The following MAGI3 variants were observed in gnomAD, a reference collection of about 807,000 sequenced individuals.
MAGI3 encodes the protein membrane-associated guanylate kinase, WW and PDZ domain-containing protein 3.
MAGI3 carries 43 observed loss-of-function variants against 121.8 expected under a neutral mutation model. The observed-to-expected ratio is 0.35, with a 90% CI of 0.28 to 0.46. The LOEUF is 0.46. Among genes scored for constraint, MAGI3 ranks in the 20% least tolerant of loss-of-function variants. The pLI, the probability that MAGI3 is intolerant of heterozygous loss-of-function variation, is 1.00. For missense variants in MAGI3, 1,547 were observed against 1,797.3 expected (o/e 0.86, Z 2.52); for synonymous variants, 553 against 639.3 (o/e 0.86, Z 2.04).
At chr1:113,604,101 C>A (rs1438900470) in intron 6 of MAGI3, among the ~76,000 whole-genome samples, 1 of 152,138 alleles carries the variant, frequency 6.6e-6, no homozygotes, top group Non-Finnish European at 1.5e-5. Flanking sequence ...AAAATTAGAT[C>A]TACCATTTGA....
chr1:113,573,963 T>C (rs751014617), intron 2 of MAGI3, among the ~76,000 whole-genome samples: 1 of 152,232 alleles, frequency 6.6e-6, no homozygotes, highest in Non-Finnish European at 1.5e-5. Flanking sequence ...TTGTCTCTTT[T>C]GATCTTTGTT....
chr1:113,612,899 A>G lies in MAGI3; in HGVS notation c.1019-1702A>G, dbSNP rs550038658. Among the ~76,000 whole-genome samples the G allele has an allele frequency of 2.6e-4, 39 of 152,282 alleles. No homozygotes were observed. In the South Asian group the frequency reaches 7.9e-3, roughly 31 times the overall value. ...CAAATGGACTATTTCAGCTATTTCT[A>G]TAGTCCTTAATTTCTCCAAACTTCT... is the stretch of plus-strand genomic sequence containing the variant. On this transcript the variant is annotated intron_variant, in intron 6 of 20. Transcript: ENST00000307546.
At chr1:113,632,909 T>A (rs1032497974) in intron 9 of MAGI3, among the ~76,000 whole-genome samples, 3 of 150,462 alleles carry the variant, frequency 2.0e-5, no homozygotes, top group African/African-American at 4.8e-5. Context: ...GTTTTTTTTT[T>A]ATTATTATTA....
chr1:113,415,993 T>TGTAATTAATGAC (rs1652282877), intron 1 of MAGI3, among the ~76,000 whole-genome samples: 1 of 90,008 alleles, frequency 1.1e-5, no homozygotes, highest in African/African-American at 3.3e-5. Flanking sequence ...ATATTAATTA[T>TGTAATTAATGAC]ATAATTAATT....
At chr1:113,574,043 G>A (rs561524448) in intron 2 of MAGI3, among the ~76,000 whole-genome samples, 1 of 151,632 alleles carries the variant, frequency 6.6e-6, no homozygotes, top group Non-Finnish European at 1.5e-5. Context: ...CATTTGCTTG[G>A]TAAATATTCC....
At chr1:113,421,440 C>A (rs1410973399) in intron 1 of MAGI3, among the ~76,000 whole-genome samples, 2 of 152,138 alleles carry the variant, frequency 1.3e-5, no homozygotes, top group Non-Finnish European at 2.9e-5. Flanking sequence ...GGCAAGTGAC[C>A]TAATTCGTTA....
chr1:113,478,911 A>G (rs1655983219), intron 1 of MAGI3, among the ~76,000 whole-genome samples: 1 of 152,182 alleles, frequency 6.6e-6, no homozygotes. Flanking sequence ...ACCTAGTTCA[A>G]GCTTCCCCAA....
chr1:113,391,140 G>T lies in MAGI3; in HGVS notation c.107G>T (p.Gly36Val). ...GACTTCGGCGCGGAGATCCGCGGTG[G>T]CGCGGAGCGTGGCGAGTTCCCCTAC... Reference protein sequence around the residue: ...PGDFGAEIRGGAERGEFPYLG... With the variant: ...PGDFGAEIRGVAERGEFPYLG... Residue 36 changes from glycine to valine, a missense_variant, in exon 1 of 21, where the codon GGC becomes GTC. By Grantham distance (109) the Gly-to-Val change is moderately radical (BLOSUM62 -3). Coordinates refer to ENST00000307546, the MANE Select transcript of MAGI3 (RefSeq NM_001142782.2). The surrounding 1 kb of genome is among the most constrained non-coding windows in gnomAD (Gnocchi z 4.4). The T allele has an allele frequency of 6.4e-7, 1 of 1,565,590 alleles. No individual in the cohort carries two copies. Among genetic ancestry groups the T allele is most frequent in the Non-Finnish European group, 8.7e-7 (1 of 1,155,512 alleles).
chr1:113,640,508 G>A (rs765005754), intron 9 of MAGI3, among the ~76,000 whole-genome samples: 22 of 152,192 alleles, frequency 1.4e-4, no homozygotes, highest in Non-Finnish European at 2.6e-4. Context: ...GATTGCATAA[G>A]GAAAATGTGG....
intron 1 of MAGI3, among the ~76,000 whole-genome samples, chr1:113,472,050 T>G (rs1655560229): frequency 6.6e-6 from 1 of 152,378 alleles, no homozygotes; most frequent in East Asian, 1.9e-4. Flanking sequence ...TGATAGTTTT[T>G]GACTGAAAGT....
intron 1 of MAGI3, among the ~76,000 whole-genome samples, chr1:113,447,155 TA>T (rs1654215536): frequency 1.3e-5 from 2 of 152,250 alleles, no homozygotes; most frequent in South Asian, 4.1e-4. Flanking sequence ...AACTTTATGT[TA>T]TGTGTATTTT....
chr1:113,437,864 C>CTTCTTCTTCTTCTTCT (rs1557757106), intron 1 of MAGI3, among the ~76,000 whole-genome samples: 7 of 56,004 alleles, frequency 1.2e-4, no homozygotes, highest in East Asian at 7.0e-4. Flanking sequence ...CTTCTTCTTC[C>CTTCTTCTTCTTCTTCT]TCTTCTTCTT....
chr1:113,635,847 A>G (rs1045783729), intron 9 of MAGI3, among the ~76,000 whole-genome samples: 8 of 151,378 alleles, frequency 5.3e-5, no homozygotes, highest in Admixed American at 3.3e-4. Context: ...CTGTGAATCC[A>G]TCTGGTCCTG....
intron 16 of MAGI3, among the ~76,000 whole-genome samples, chr1:113,668,847 G>A (rs1647347291): frequency 6.6e-6 from 1 of 152,080 alleles, no homozygotes; most frequent in African/African-American, 2.4e-5. Flanking sequence ...CTCCCAAAGT[G>A]CTGGGATTAC....
At chr1:113,681,527 CTT>C (rs1483653153) in intron 20 of MAGI3, among the ~76,000 whole-genome samples, 191 bp downstream of exon 20, 1 of 152,148 alleles carries the variant, frequency 6.6e-6, no homozygotes, top group Non-Finnish European at 1.5e-5. Flanking sequence ...TTAGGCAGGA[CTT>C]TCGTTGGAAT....
chr1:113,421,877 T>C (rs1300961757), intron 1 of MAGI3, among the ~76,000 whole-genome samples: 1 of 151,908 alleles, frequency 6.6e-6, no homozygotes, highest in East Asian at 1.9e-4. Flanking sequence ...TTTTTTTCAA[T>C]CTATATGTGT....
At chr1:113,418,593 C>A (rs959440512) in intron 1 of MAGI3, among the ~76,000 whole-genome samples, 2 of 152,018 alleles carry the variant, frequency 1.3e-5, no homozygotes, top group Non-Finnish European at 2.9e-5. Context: ...TCTTCTTTCT[C>A]TTTTTTTAAT....
chr1:113,478,454 T>C (rs1360564908), intron 1 of MAGI3, among the ~76,000 whole-genome samples: 1 of 152,204 alleles, frequency 6.6e-6, no homozygotes, highest in Non-Finnish European at 1.5e-5. Context: ...GCTATTCCTT[T>C]CTGTTAGTTT....
At chr1:113,505,697 G>T (rs1013922637) in intron 1 of MAGI3, among the ~76,000 whole-genome samples, 3 of 152,140 alleles carry the variant, frequency 2.0e-5, no homozygotes, top group African/African-American at 7.2e-5. Flanking sequence ...TTCAGAAGGT[G>T]AATTTGACAA....
Sources: allele counts gnomAD v4.1 joint callset (sites outside exome capture counted in the v4.1 genomes callset), GRCh38; gene constraint gnomAD v4.1.1; non-coding constraint Gnocchi (gnomAD v3.1); transcripts MANE v1.5; gene names NCBI Gene and HGNC (gene_info 2026-07-23, HGNC 2026-07-21).